Variants in MPRIP observed in about 807,000 individuals in gnomAD.
The protein encoded by MPRIP is myosin phosphatase Rho interacting protein.
MPRIP carries 59 observed loss-of-function variants against 234.9 expected under a neutral mutation model. The observed-to-expected ratio is 0.25, with a 90% CI of 0.20 to 0.31. The LOEUF is 0.31. MPRIP is among the 10% of genes least tolerant of loss of function. MPRIP has a pLI of 1.00. For synonymous variants in MPRIP, 1,144 were observed against 1,263.9 expected (o/e 0.91, Z 2.01); for missense variants, 2,436 against 3,071.0 (o/e 0.79, Z 4.89).
intron 4 of MPRIP, among the ~76,000 whole-genome samples, chr17:17,130,882 T>A (rs2090584119): frequency 6.6e-6 from 1 of 152,202 alleles, no homozygotes; most frequent in Admixed American, 6.5e-5. Flanking sequence ...AGTTGTGCCA[T>A]GATCTGATCT....
chr17:17,071,763 C>T (rs1455607036), intron 1 of MPRIP, among the ~76,000 whole-genome samples: 2 of 152,026 alleles, frequency 1.3e-5, no homozygotes, highest in Non-Finnish European at 2.9e-5. Flanking sequence ...ATATGGGATC[C>T]GGAGCCACAT....
chr17:17,072,172 G>A (rs1185045657), intron 1 of MPRIP, among the ~76,000 whole-genome samples: 2 of 152,248 alleles, frequency 1.3e-5, no homozygotes, highest in Non-Finnish European at 2.9e-5. Context: ...TCTGCTGTGC[G>A]GGGGAGGATG....
At chr17:17,139,760 T>C (rs1005747194) in intron 7 of MPRIP, among the ~76,000 whole-genome samples, 1 of 152,148 alleles carries the variant, frequency 6.6e-6, no homozygotes, top group African/African-American at 2.4e-5. Context: ...TAAGGAAGCA[T>C]CTCCCAGAGA....
At chr17:17,172,439 G>A (rs560156691) in intron 17 of MPRIP, among the ~76,000 whole-genome samples, 42 of 152,292 alleles carry the variant, frequency 2.8e-4, no homozygotes, top group African/African-American at 9.9e-4. Context: ...TAATCAGTTT[G>A]GTTTTCTTCT....
rs539406745 is a variant in MPRIP, at chr17:17,164,982, C to G, written c.3391C>G (p.Leu1131Val). The G allele has an allele frequency of 7.8e-5, 102 of 1,302,764 alleles. No homozygotes were observed. In the African/African-American group the frequency reaches 1.5e-3, roughly 19 times the overall value. 80.7% of individuals were successfully genotyped at this position (1,302,764 alleles called of 1,614,324 possible). The change falls in exon 16 of 24, where the codon CTC becomes GTC. Residue 1131 changes from leucine (L) to valine (V), a missense_variant. Leu to Val is a conservative substitution (Grantham distance 32). Transcript: ENST00000651222. The stretch of plus-strand genomic sequence containing the variant: ...CACGTCCGACGAGGATGTGGCTGAG[C>G]TCCGGGAAAAGCTGAGGAGAAGAGA... Reference protein sequence around the residue: ...VATSDEDVAELREKLRRREAD... With the variant: ...VATSDEDVAEVREKLRRREAD...
chr17:17,156,369 TA>T (rs200801826), intron 13 of MPRIP, among the ~76,000 whole-genome samples: 3,453 of 152,358 alleles, frequency 0.023, 101 homozygotes, highest in Middle Eastern at 0.085. Context: ...CTTCATAACC[TA>T]GCATATCTGC....
At chr17:17,135,980 G>T (rs2090687402) in intron 5 of MPRIP, among the ~76,000 whole-genome samples, 1 of 152,206 alleles carries the variant, frequency 6.6e-6, no homozygotes, top group Admixed American at 6.5e-5. Context: ...TCTCGAGGGT[G>T]TGTTCTCTTT....
chr17:17,154,859 C>T (rs1380090210), intron 13 of MPRIP, among the ~76,000 whole-genome samples: 1 of 152,216 alleles, frequency 6.6e-6, no homozygotes, highest in Non-Finnish European at 1.5e-5. Context: ...TGTTTGATTT[C>T]TGTGCAGCCA....
intron 4 of MPRIP, among the ~76,000 whole-genome samples, chr17:17,129,976 C>G (rs1389797038): frequency 1.3e-5 from 2 of 152,212 alleles, no homozygotes; most frequent in Non-Finnish European, 2.9e-5. Context: ...TCCCAGCCAG[C>G]CTTGATGAGA....
At chr17:17,104,402 T>A (rs1452005624) in intron 3 of MPRIP, among the ~76,000 whole-genome samples, 6 of 152,180 alleles carry the variant, frequency 3.9e-5, no homozygotes, top group Non-Finnish European at 8.8e-5. Context: ...GAATTCATTG[T>A]CCCCTTCCTG....
chr17:17,115,064 G>C (rs1013361347), intron 3 of MPRIP, among the ~76,000 whole-genome samples: 1 of 152,264 alleles, frequency 6.6e-6, no homozygotes, highest in African/African-American at 2.4e-5. Flanking sequence ...ACCAAGGCTG[G>C]GGCGAGGCCC....
chr17:17,159,122 C>A, intron 14 of MPRIP, 120 bp downstream of exon 14: 1 of 1,035,460 alleles, frequency 9.7e-7, no homozygotes, highest in South Asian at 1.6e-5. Context: ...GACTTGCAGA[C>A]CCCTAGGGGA....
At chr17:17,149,932 A>G (rs147987139) in intron 11 of MPRIP, 38 of 495,278 alleles carry the variant, frequency 7.7e-5, no homozygotes, top group African/African-American at 4.1e-4. Flanking sequence ...GGCGTGGACT[A>G]TCTTTGGCTG....
chr17:17,075,638 G>C (rs1326712218), intron 1 of MPRIP, 72 bp from the exon 2 acceptor site: 1 of 1,291,514 alleles, frequency 7.7e-7, no homozygotes, highest in African/African-American at 1.5e-5. Flanking sequence ...GCGAGTGCTT[G>C]CTGTTAACTT....
chr17:17,066,188 A>C (rs2089019723), intron 1 of MPRIP, among the ~76,000 whole-genome samples: 1 of 152,222 alleles, frequency 6.6e-6, no homozygotes, highest in Non-Finnish European at 1.5e-5. Context: ...AAGAATTCTG[A>C]GATGGCCATC....
intron 3 of MPRIP, among the ~76,000 whole-genome samples, chr17:17,089,258 C>T (rs1296139357): frequency 6.6e-6 from 1 of 152,204 alleles, no homozygotes; most frequent in Non-Finnish European, 1.5e-5. Context: ...AGCTAAGGTC[C>T]AGATGTGAGC....
chr17:17,173,906 C>G lies in MPRIP; in HGVS notation c.6591-10C>G. On this transcript the variant is annotated splice_polypyrimidine_tract_variant and intron_variant, in intron 18 of 23. Transcript: ENST00000651222. ...AGCAGGCAGAGGAGTGAGTGCTGCC[C>G]TCTCCCCAGGGAGGAGCTGCAGTCG... is the stretch of plus-strand genomic sequence containing the variant. 6.2e-7 allele frequency: 1 copy of G among 1,613,280 alleles called. No individual in the cohort carries two copies. Among genetic ancestry groups the G allele is most frequent in the Non-Finnish European group, 8.5e-7 (1 of 1,179,862 alleles).
intron 19 of MPRIP, among the ~76,000 whole-genome samples, chr17:17,175,048 G>A (rs1331846318): frequency 6.6e-6 from 1 of 152,218 alleles, no homozygotes; most frequent in Non-Finnish European, 1.5e-5. Context: ...TGCTCAGGCA[G>A]GACTGGGTCC....
chr17:17,052,229 A>T (rs915443803), intron 1 of MPRIP, among the ~76,000 whole-genome samples: 2 of 152,030 alleles, frequency 1.3e-5, no homozygotes, highest in Admixed American at 1.3e-4. Context: ...CTGGCTCCAG[A>T]CTCATCCTCC....
Sources: allele counts gnomAD v4.1 joint callset (sites outside exome capture counted in the v4.1 genomes callset), GRCh38; gene constraint gnomAD v4.1.1; transcripts MANE v1.5; gene names NCBI Gene and HGNC (gene_info 2026-07-23, HGNC 2026-07-21).